Variants in PTTG1IP2 observed in about 807,000 individuals in gnomAD.
The protein encoded by PTTG1IP2 is PTTG1IP family member 2.
At chr7:90,473,997 G>A (rs1562982959) in intron 1 of PTTG1IP2, among the ~76,000 whole-genome samples, 6 of 152,256 alleles carry the variant, frequency 3.9e-5, no homozygotes, top group Admixed American at 2.0e-4. Flanking sequence ...ATGCAGTCAT[G>A]TGTTGCTTAA....
At chr7:90,479,570 G>C (rs1797792814) in intron 2 of PTTG1IP2, among the ~76,000 whole-genome samples, 1 of 152,086 alleles carries the variant, frequency 6.6e-6, no homozygotes, top group African/African-American at 2.4e-5. Flanking sequence ...ATTTTTGTAA[G>C]TAAAGGAAAA....
chr7:90,481,026 T>G (rs1797809494), intron 2 of PTTG1IP2, among the ~76,000 whole-genome samples: 4 of 152,206 alleles, frequency 2.6e-5, no homozygotes, highest in Admixed American at 2.6e-4. Flanking sequence ...AGATTCTGTT[T>G]AATTTTTTGG....
At chr7:90,503,137 A>G (rs748887511) in intron 6 of PTTG1IP2, among the ~76,000 whole-genome samples, 7 of 152,112 alleles carry the variant, frequency 4.6e-5, no homozygotes, top group Admixed American at 6.5e-5. Flanking sequence ...CTTTTTTATT[A>G]TGGAGATGGC....
chr7:90,473,705 T>C (rs1265210590), intron 1 of PTTG1IP2, among the ~76,000 whole-genome samples: 1 of 152,058 alleles, frequency 6.6e-6, no homozygotes, highest in Non-Finnish European at 1.5e-5. Context: ...CAAATCTGAG[T>C]GAATAGTTGC....
intron 6 of PTTG1IP2, among the ~76,000 whole-genome samples, chr7:90,503,108 C>T (rs1156387091): frequency 6.6e-6 from 1 of 152,212 alleles, no homozygotes; most frequent in Admixed American, 6.5e-5. Flanking sequence ...TACATTAGCA[C>T]CTGCTGCTTC....
rs117685717 is a variant in PTTG1IP2 at position 90,504,798 on chromosome 7, C to T, written c.*51-8480C>T. ...AGTAGCCCTATGAAACCCACAACCCCATCACTTTTGTCTCATGGCTGATTA... is the reference window on the plus strand; with the variant it reads ...AGTAGCCCTATGAAACCCACAACCCTATCACTTTTGTCTCATGGCTGATTA... On this transcript the variant is annotated intron_variant, in intron 6 of 6. Coordinates refer to ENST00000509356, the MANE Select transcript of PTTG1IP2 (RefSeq NM_001365443.2). Among the ~76,000 whole-genome samples the T allele has an allele frequency of 6.6e-5, 10 of 152,288 alleles. No individual in the cohort carries two copies. In the East Asian group the frequency reaches 1.9e-3, roughly 29 times the overall value.
chr7:90,499,354 CTCTT>C (rs1798035055), intron 6 of PTTG1IP2, among the ~76,000 whole-genome samples: 1 of 152,082 alleles, frequency 6.6e-6, no homozygotes, highest in African/African-American at 2.4e-5. Context: ...TTCCTTTCTC[CTCTT>C]TCTTTCTCTT....
intron 6 of PTTG1IP2, among the ~76,000 whole-genome samples, chr7:90,497,713 TATAAAAAAAAAAAAAAAAAAA>T (rs1378254207): frequency 6.0e-5 from 3 of 49,600 alleles, no homozygotes; most frequent in African/African-American, 3.1e-4. Flanking sequence ...AAAGACCCTG[TATAAAAAAAAAAAAAAAAAAA>T]AAAAAAAAAA....
intron 2 of PTTG1IP2, among the ~76,000 whole-genome samples, chr7:90,484,628 A>G (rs1318558700): frequency 3.3e-5 from 5 of 152,166 alleles, no homozygotes; most frequent in African/African-American, 1.2e-4. Flanking sequence ...CTTGGGGGCA[A>G]TGTGAAGTTC....
intron 2 of PTTG1IP2, among the ~76,000 whole-genome samples, chr7:90,480,657 A>G (rs1192097250): frequency 6.6e-6 from 1 of 152,222 alleles, no homozygotes; most frequent in Non-Finnish European, 1.5e-5. Context: ...TAACAATATC[A>G]TCTTAATCTC....
intron 2 of PTTG1IP2, among the ~76,000 whole-genome samples, chr7:90,482,669 G>A (rs1310514955): frequency 6.6e-6 from 1 of 152,118 alleles, no homozygotes; most frequent in African/African-American, 2.4e-5. Flanking sequence ...CATCCCTGTT[G>A]AATCCTTGGA....
intron 1 of PTTG1IP2, among the ~76,000 whole-genome samples, chr7:90,471,361 C>A (rs1175990020): frequency 6.6e-6 from 1 of 152,158 alleles, no homozygotes; most frequent in Non-Finnish European, 1.5e-5. Context: ...GAGACCTCCC[C>A]CTAAGCAGGT....
intron 6 of PTTG1IP2, among the ~76,000 whole-genome samples, chr7:90,500,138 G>A (rs1209256321): frequency 2.0e-5 from 3 of 152,010 alleles, no homozygotes; most frequent in Non-Finnish European, 4.4e-5. Context: ...ACCTGAGCCT[G>A]GGGAGGTCGA....
intron 1 of PTTG1IP2, among the ~76,000 whole-genome samples, chr7:90,473,963 C>T (rs1797718659): frequency 6.6e-6 from 1 of 152,212 alleles, no homozygotes; most frequent in South Asian, 2.1e-4. Context: ...TTTTCTAGTA[C>T]ATGGTAAGTT....
At chr7:90,509,833 G>A (rs748193123) in intron 6 of PTTG1IP2, among the ~76,000 whole-genome samples, 3 of 152,178 alleles carry the variant, frequency 2.0e-5, no homozygotes, top group Non-Finnish European at 2.9e-5. Context: ...CAAATGCAGA[G>A]TGCAAGCAAA....
At chr7:90,509,887 A>G (rs1584703060) in intron 6 of PTTG1IP2, among the ~76,000 whole-genome samples, 1 of 152,220 alleles carries the variant, frequency 6.6e-6, no homozygotes, top group Admixed American at 6.5e-5. Flanking sequence ...AAACTACAGT[A>G]ATGCTTTTAA....
At chr7:90,483,231 C>A (rs757845293) in intron 2 of PTTG1IP2, among the ~76,000 whole-genome samples, 1 of 152,112 alleles carries the variant, frequency 6.6e-6, no homozygotes, top group African/African-American at 2.4e-5. Flanking sequence ...CCACTGTTGG[C>A]ATGATCCTCC....
intron 6 of PTTG1IP2, among the ~76,000 whole-genome samples, chr7:90,497,969 A>AT (rs1457300705): frequency 2.6e-5 from 4 of 151,500 alleles, no homozygotes; most frequent in Non-Finnish European, 5.9e-5. Context: ...ATTAATATTC[A>AT]TATATTTTGT....
At chr7:90,475,022 A>G (rs1018760545) in intron 1 of PTTG1IP2, among the ~76,000 whole-genome samples, 1 of 152,204 alleles carries the variant, frequency 6.6e-6, no homozygotes, top group Non-Finnish European at 1.5e-5. Context: ...CAGACGGTTT[A>G]TTACTCATAG....
Sources: gnomAD v4.1 joint callset for allele counts (sites outside exome capture counted in the v4.1 genomes callset) on GRCh38, gnomAD v4.1.1 for gene constraint, MANE v1.5 for transcripts, NCBI Gene and HGNC (gene_info 2026-07-23, HGNC 2026-07-21) for gene names.